The following ADGRB3 variants were observed in gnomAD, a reference collection of about 807,000 sequenced individuals.
The protein encoded by ADGRB3 is adhesion G protein-coupled receptor B3.
ADGRB3 carries 37 observed loss-of-function variants against 193.4 expected under a neutral mutation model. The observed-to-expected ratio is 0.19, with a 90% CI of 0.15 to 0.25. ADGRB3 has a LOEUF of 0.25. ADGRB3 is among the 10% of genes least tolerant of loss of function. The pLI, the probability that ADGRB3 is intolerant of heterozygous loss-of-function variation, is 1.00. For missense variants in ADGRB3, 1,637 were observed against 1,852.9 expected, an observed-to-expected ratio of 0.88 and a Z score of 2.14; for synonymous variants, 690 against 644.2, an observed-to-expected ratio of 1.07 and a Z score of -1.08.
At chr6:68,845,167 G>A (rs1768248379) in intron 3 of ADGRB3, among the ~76,000 whole-genome samples, 1 of 152,134 alleles carries the variant, frequency 6.6e-6, no homozygotes, top group Non-Finnish European at 1.5e-5. Context: ...ATCACACTTA[G>A]CATGATGTGA....
Position 69,018,401 on chromosome 6 carries a change from G to A in ADGRB3, c.2009G>A (p.Gly670Glu). ...KWEDAQQIYP[G>E]SIELMQVIED... ...TGCTTATTTTTCTAGATTTATCCAG[G>A]GTCAATAGAGTTAATGCAGGTGATT... Residue 670 changes from glycine (G) to glutamate (E), a missense_variant, in exon 13 of 32, where the codon GGG (glycine) becomes GAG (glutamate). Around this residue, in one of 7 missense-constraint regions of ADGRB3, gnomAD observed 641 missense variants for 673.9 expected, o/e 0.95. Transcript: ENST00000370598. 1.3e-6 allele frequency: 2 copies of A among 1,596,110 alleles called. No homozygotes were observed. The highest frequency in any genetic ancestry group is 1.3e-5 in the African/African-American group (1 of 74,436).
At chr6:69,158,021 C>G (rs1406205999) in intron 17 of ADGRB3, among the ~76,000 whole-genome samples, 1 of 151,972 alleles carries the variant, frequency 6.6e-6, no homozygotes, top group Non-Finnish European at 1.5e-5. Flanking sequence ...CTAATCTACT[C>G]TCTCCTGTCA....
intron 3 of ADGRB3, among the ~76,000 whole-genome samples, chr6:68,642,173 A>T (rs1258546148): frequency 6.6e-6 from 1 of 152,172 alleles, no homozygotes; most frequent in African/African-American, 2.4e-5. Context: ...ACTGACTCAG[A>T]AGGCCTGCCT....
intron 17 of ADGRB3, among the ~76,000 whole-genome samples, chr6:69,223,102 T>A (rs868843551): frequency 7.4e-4 from 112 of 152,238 alleles, no homozygotes; most frequent in African/African-American, 2.7e-3. Context: ...ACTAAGGAAG[T>A]TAAAAAAGAA....
intron 8 of ADGRB3, among the ~76,000 whole-genome samples, chr6:68,967,704 A>C (rs529954513): frequency 6.6e-6 from 1 of 152,182 alleles, no homozygotes; most frequent in African/African-American, 2.4e-5. Context: ...AAACAGATCT[A>C]GCCAAAAGAG....
chr6:69,266,896 G>T (rs1767054543), intron 20 of ADGRB3, among the ~76,000 whole-genome samples: 1 of 151,954 alleles, frequency 6.6e-6, no homozygotes, highest in South Asian at 2.1e-4. Flanking sequence ...ATTATCCTTG[G>T]CTACAAAGAT....
At chr6:68,915,614 T>C (rs1766857816) in intron 3 of ADGRB3, among the ~76,000 whole-genome samples, 2 of 152,168 alleles carry the variant, frequency 1.3e-5, no homozygotes, top group African/African-American at 2.4e-5. Flanking sequence ...TCGGCCTTTG[T>C]AGTTTTGGAG....
At chr6:69,303,582 C>G (rs1767997054) in intron 20 of ADGRB3, among the ~76,000 whole-genome samples, 2 of 151,904 alleles carry the variant, frequency 1.3e-5, no homozygotes, top group South Asian at 2.1e-4. Context: ...CCCGCACATT[C>G]AGCAATTTTT....
chr6:68,956,337 A>G (rs1394878880), intron 7 of ADGRB3, 149 bp downstream of exon 7: 3 of 913,728 alleles, frequency 3.3e-6, no homozygotes, highest in Non-Finnish European at 4.7e-6. Flanking sequence ...GTATACATGT[A>G]TTTATTAATG....
chr6:68,832,931 T>C (rs774236325), intron 3 of ADGRB3, among the ~76,000 whole-genome samples: 3 of 152,146 alleles, frequency 2.0e-5, no homozygotes, highest in African/African-American at 4.8e-5. Flanking sequence ...CTGAAATTTC[T>C]GTTGATGATC....
At chr6:68,942,338 G>T (rs1767664685) in intron 5 of ADGRB3, among the ~76,000 whole-genome samples, 1 of 152,066 alleles carries the variant, frequency 6.6e-6, no homozygotes, top group Non-Finnish European at 1.5e-5. Flanking sequence ...AGAAAAAAAT[G>T]AACTTTTTGG....
In ADGRB3 at chr6:68,684,103, G is replaced by A. The variant is rs144209309; in HGVS notation, c.757+44671G>A. The stretch of plus-strand genomic sequence containing the variant: ...TTCTGAAATATGCGGCAACAGACAC[G>A]GTATAAATCTAGCTTGGAATGTTAG... On this transcript the variant is annotated intron_variant, in intron 3 of 31. Coordinates refer to ENST00000370598, the MANE Select transcript of ADGRB3 (RefSeq NM_001704.3). Among the ~76,000 whole-genome samples the A allele has an allele frequency of 1.5e-4, 23 of 152,196 alleles. No individual in the cohort carries two copies. The East Asian group carries it at 3.9e-3, about 26-fold the overall frequency.
At chr6:69,111,894 A>G (rs1018893992) in intron 17 of ADGRB3, among the ~76,000 whole-genome samples, 2 of 152,194 alleles carry the variant, frequency 1.3e-5, no homozygotes, top group Non-Finnish European at 2.9e-5. Context: ...CATATTGGGT[A>G]TCTGTTGGGG....
intron 28 of ADGRB3, among the ~76,000 whole-genome samples, chr6:69,356,847 A>G (rs1176230310): frequency 1.3e-5 from 2 of 152,102 alleles, no homozygotes; most frequent in South Asian, 2.1e-4. Context: ...ACCAGAGTAG[A>G]TGGCTCAATA....
At chr6:69,134,077 A>G (rs1000470435) in intron 17 of ADGRB3, among the ~76,000 whole-genome samples, 1 of 151,896 alleles carries the variant, frequency 6.6e-6, no homozygotes, top group Non-Finnish European at 1.5e-5. Context: ...TTCTTTATCC[A>G]TTCATTGGTT....
In ADGRB3 at chr6:68,839,612, C is replaced by T. The variant is rs1301154090; in HGVS notation, c.758-90947C>T. Among the ~76,000 whole-genome samples, 3 of 152,112 alleles carry T rather than the reference C, an allele frequency of 2.0e-5. No homozygotes were observed. In the East Asian group the frequency reaches 5.8e-4, roughly 29 times the overall value. On this transcript the variant is annotated intron_variant, in intron 3 of 31. Coordinates refer to ENST00000370598, the MANE Select transcript of ADGRB3 (RefSeq NM_001704.3). ...GCCTTACACTTCTGCTCCTCACTGG[C>T]CATTAGAAAAGCAAATGGAGGGAGA...
chr6:69,173,308 T>A (rs568437991), intron 17 of ADGRB3, among the ~76,000 whole-genome samples: 1 of 152,304 alleles, frequency 6.6e-6, no homozygotes, highest in Non-Finnish European at 1.5e-5. Context: ...AAAGTCCTGG[T>A]ATTACAGGCG....
rs1419997229 is a variant in ADGRB3 at position 68,638,899 on chromosome 6, A to G, written c.224A>G (p.Lys75Arg). The G allele has an allele frequency of 7.7e-5, 125 of 1,614,038 alleles. No homozygotes were observed. The highest frequency in any genetic ancestry group is 1.0e-4 in the Non-Finnish European group (123 of 1,180,024). Residue 75 changes from lysine to arginine, a missense_variant, in exon 3 of 32, where the codon AAA (lysine) becomes AGA (arginine). Lys to Arg is a conservative substitution (Grantham distance 26). Coordinates refer to ENST00000370598, the MANE Select transcript of ADGRB3 (RefSeq NM_001704.3). Reference sequence around the variant, plus strand: ...TATAGCATTTACCTGAAATTTTCCAAAAAGGACCTTAGCTGCTCTAACTTT... The same window carrying G: ...TATAGCATTTACCTGAAATTTTCCAGAAAGGACCTTAGCTGCTCTAACTTT... The part of the protein sequence containing the change: ...TKYSIYLKFS[K>R]KDLSCSNFSL...
chr6:68,735,047 T>G (rs964846765), intron 3 of ADGRB3, among the ~76,000 whole-genome samples: 1 of 151,978 alleles, frequency 6.6e-6, no homozygotes, highest in Non-Finnish European at 1.5e-5. Context: ...TCTAATATTA[T>G]AATAGCTTAT....
Sources: allele counts gnomAD v4.1 joint callset (sites outside exome capture counted in the v4.1 genomes callset), GRCh38; gene constraint gnomAD v4.1.1; regional missense constraint gnomAD v4.1.1; transcripts MANE v1.5; gene names NCBI Gene and HGNC (gene_info 2026-07-23, HGNC 2026-07-21).